SMG6: variants seen among roughly 807,000 people sequenced by gnomAD.
The protein encoded by SMG6 is telomerase-binding protein EST1A.
A neutral mutation model predicts 142.2 loss-of-function variants in SMG6; 66 were observed. The observed-to-expected ratio is 0.46, with a 90% CI of 0.38 to 0.57. The LOEUF (loss-of-function observed/expected upper bound fraction) is 0.57. Among genes scored for constraint, SMG6 ranks in the 20% least tolerant of loss-of-function variants. The pLI is 0.00. For missense variants in SMG6, 1,793 were observed against 1,832.0 expected, an observed-to-expected ratio of 0.98 and a Z score of 0.39; for synonymous variants, 779 against 702.4, an observed-to-expected ratio of 1.11 and a Z score of -1.72.
chr17:2,267,111 T>C (rs988831991), intron 8 of SMG6, among the ~76,000 whole-genome samples: 1 of 152,220 alleles, frequency 6.6e-6, no homozygotes, highest in Admixed American at 6.5e-5. Context: ...GAGGTACATA[T>C]TGCAAACTAC....
intron 10 of SMG6, among the ~76,000 whole-genome samples, chr17:2,190,141 T>C (rs926590553): frequency 2.6e-5 from 4 of 152,140 alleles, no homozygotes; most frequent in African/African-American, 9.7e-5. Flanking sequence ...ACCCTCCCCA[T>C]AGGCAGCAGC....
intron 13 of SMG6, among the ~76,000 whole-genome samples, chr17:2,098,070 C>G (rs1417215781): frequency 1.3e-5 from 2 of 152,110 alleles, no homozygotes; most frequent in Non-Finnish European, 2.9e-5. Flanking sequence ...TTCACTGCAG[C>G]CTTGACTTCT....
intron 18 of SMG6, among the ~76,000 whole-genome samples, chr17:2,063,626 C>T (rs4790310): frequency 0.58 from 87,711 of 152,172 alleles, 25,665 homozygotes; most frequent in Admixed American, 0.65. Context: ...TCAGCAATCC[C>T]GCCTACCTTT....
rs1266559551 is a variant in SMG6, at chr17:2,085,466, CCTTT to C, written c.3534+255_3534+258del. On this transcript the variant is annotated intron_variant, in intron 14 of 18. Transcript: ENST00000263073. This position sits in a 1 kb window ranked among gnomAD's most constrained non-coding sequence, Gnocchi z 4.1. ...CTCGAGAGCTGCACATTATTCAACT[CCTTT>C]CTTTCTTTTCCTCCCTTCTCCTCAA... Among the ~76,000 whole-genome samples, 1 of 152,184 alleles carries C rather than the reference CCTTT, an allele frequency of 6.6e-6. No homozygotes were observed. The highest frequency in any genetic ancestry group is 2.4e-5 in the African/African-American group (1 of 41,438).
At chr17:2,195,994 T>C (rs184794492) in intron 10 of SMG6, among the ~76,000 whole-genome samples, 72 of 152,294 alleles carry the variant, frequency 4.7e-4, no homozygotes, top group Middle Eastern at 6.8e-3. Flanking sequence ...AGCTCAGAGA[T>C]GATGACTGTG....
rs142589358 is a variant in SMG6 at position 2,118,526 on chromosome 17, G to A, written c.3358-32625C>T. 6.1e-4 allele frequency among the ~76,000 whole-genome samples: 92 copies of A among 151,900 alleles called. 1 individual carries two copies. Among genetic ancestry groups the A allele is most frequent in the African/African-American group, 2.1e-3 (85 of 41,450 alleles). ...TGCACTCCAGCCTGGGTGTAAGAGTGAGACTCTGTCTCAAAAAAAAATTTA... is the reference window on the plus strand; with the variant it reads ...TGCACTCCAGCCTGGGTGTAAGAGTAAGACTCTGTCTCAAAAAAAAATTTA... On this transcript the variant is annotated intron_variant, in intron 13 of 18. Transcript: ENST00000263073.
At position 2,116,339 on chromosome 17, in the gene SMG6, A is replaced by G. The variant is rs146782393; in HGVS notation, c.3358-30438T>C. ...AGGGATCCTCCCGCCTCGGCCTTCC[A>G]AAGTGTTGAGATTACAGGCATGAGC... is the stretch of plus-strand genomic sequence containing the variant. On this transcript the variant is annotated intron_variant, in intron 13 of 18. Coordinates refer to ENST00000263073, the MANE Select transcript of SMG6 (RefSeq NM_017575.5). 3.9e-5 allele frequency among the ~76,000 whole-genome samples: 6 copies of G among 152,218 alleles called. No homozygotes were observed. The East Asian group carries it at 9.6e-4, about 24-fold the overall frequency.
chr17:2,126,306 G>T (rs1270304684), intron 13 of SMG6, among the ~76,000 whole-genome samples: 1 of 151,970 alleles, frequency 6.6e-6, no homozygotes, highest in Non-Finnish European at 1.5e-5. Context: ...ATTCAAAATG[G>T]ATCAAAGACC....
intron 13 of SMG6, among the ~76,000 whole-genome samples, chr17:2,110,860 AC>A (rs2069294878): frequency 6.6e-6 from 1 of 152,220 alleles, no homozygotes; most frequent in Non-Finnish European, 1.5e-5. Context: ...AAGGCCAGAA[AC>A]AAAGAGTGCT....
At chr17:2,289,551 T>C (rs1224335910) in intron 6 of SMG6, among the ~76,000 whole-genome samples, 3 of 152,164 alleles carry the variant, frequency 2.0e-5, no homozygotes, top group Admixed American at 6.5e-5. Flanking sequence ...AGTGCGATCC[T>C]ATCTCTTAAA....
chr17:2,092,317 G>T (rs9912392), intron 13 of SMG6, among the ~76,000 whole-genome samples: 13 of 151,726 alleles, frequency 8.6e-5, no homozygotes, highest in African/African-American at 3.1e-4. Context: ...CTAGCTGAAG[G>T]GTCATTGGGT....
At chr17:2,080,256 T>C (rs1314727891) in intron 15 of SMG6, among the ~76,000 whole-genome samples, 1 of 150,282 alleles carries the variant, frequency 6.7e-6, no homozygotes. Flanking sequence ...CTGTCTTTAC[T>C]AAAAATACAA....
chr17:2,147,159 G>A (rs948323735), intron 13 of SMG6, among the ~76,000 whole-genome samples: 2 of 152,162 alleles, frequency 1.3e-5, no homozygotes, highest in African/African-American at 2.4e-5. Flanking sequence ...TTGGGAGGCC[G>A]AGGTGGGTGG....
chr17:2,288,707 T>C (rs1356416589), intron 6 of SMG6, among the ~76,000 whole-genome samples: 2 of 150,404 alleles, frequency 1.3e-5, no homozygotes, highest in Non-Finnish European at 3.0e-5. Context: ...GGTGGGCAGA[T>C]CACTTAGGAG....
At chr17:2,132,746 A>C (rs1424468427) in intron 13 of SMG6, among the ~76,000 whole-genome samples, 1 of 152,178 alleles carries the variant, frequency 6.6e-6, no homozygotes, top group Non-Finnish European at 1.5e-5. Context: ...GTGACAGAAG[A>C]AGAAAGGGGA....
intron 12 of SMG6, among the ~76,000 whole-genome samples, chr17:2,173,625 A>G (rs1004085309): frequency 6.6e-6 from 1 of 152,158 alleles, no homozygotes; most frequent in African/African-American, 2.4e-5. Context: ...GAAACCCCCC[A>G]GTCCTGGGCA....
rs1005182625 is a variant in SMG6 at position 2,083,044 on chromosome 17, T to A, written c.3535-1088A>T. ...TTAGAAGTCAACACCTCGCTCAGGG[T>A]CACATGGCTAGTAAAGGCAGAACAG... is the stretch of plus-strand genomic sequence containing the variant. On this transcript the variant is annotated intron_variant, in intron 14 of 18. Coordinates refer to ENST00000263073, the MANE Select transcript of SMG6 (RefSeq NM_017575.5). Among the ~76,000 whole-genome samples the A allele has an allele frequency of 5.3e-5, 8 of 152,078 alleles. No individual in the cohort carries two copies. In the East Asian group the frequency reaches 1.5e-3, roughly 29 times the overall value.
At chr17:2,070,025 A>G (rs1308483010) in intron 15 of SMG6, among the ~76,000 whole-genome samples, 1 of 152,220 alleles carries the variant, frequency 6.6e-6, no homozygotes, top group Non-Finnish European at 1.5e-5. Context: ...AAAGTAGACA[A>G]AAGAATAAAA....
At position 2,143,972 on chromosome 17, in the gene SMG6, G is replaced by C. The variant is rs190822173; in HGVS notation, c.3357+28686C>G. On this transcript the variant is annotated intron_variant, in intron 13 of 18. Coordinates refer to ENST00000263073, the MANE Select transcript of SMG6 (RefSeq NM_017575.5). The stretch of plus-strand genomic sequence containing the variant: ...GCAGGATCATGGCTCACTGAAGGCT[G>C]AAACTCCTGGACTTAAGGGATCCTC... Among the ~76,000 whole-genome samples the C allele has an allele frequency of 2.6e-3, 386 of 151,182 alleles. 2 individuals are homozygous for C. Among genetic ancestry groups the C allele is most frequent in the Non-Finnish European group, 2.1e-3 (142 of 67,906 alleles).
Sources: gnomAD v4.1 joint callset for allele counts (sites outside exome capture counted in the v4.1 genomes callset) on GRCh38, gnomAD v4.1.1 for gene constraint, Gnocchi (gnomAD v3.1) non-coding constraint, MANE v1.5 for transcripts, NCBI Gene and HGNC (gene_info 2026-07-23, HGNC 2026-07-21) for gene names.